Variants in DCC observed in about 807,000 individuals in gnomAD.
DCC encodes netrin receptor DCC.
Under a neutral mutation model 172.5 loss-of-function variants are expected in DCC, and 58 were observed. The ratio of observed to expected loss-of-function variants is 0.34; its 90% CI spans 0.27 to 0.42. The LOEUF (loss-of-function observed/expected upper bound fraction) is 0.42, where lower values mean the gene tolerates loss of function less well. Ranked by LOEUF, DCC falls within the 10% of genes least tolerant of loss-of-function variation. The pLI, the probability that DCC is intolerant of heterozygous loss-of-function variation, is 1.00. For missense variants in DCC, 1,740 were observed against 1,791.0 expected (o/e 0.97, Z 0.51); for synonymous variants, 709 against 644.5 (o/e 1.10, Z -1.52).
At position 52,791,478 on chromosome 18, in the gene DCC, T is replaced by C. The variant is rs533260383; in HGVS notation, c.412+39104T>C. 2.4e-4 allele frequency among the ~76,000 whole-genome samples: 34 copies of C among 139,270 alleles called. No individual in the cohort carries two copies. The East Asian group carries it at 6.7e-3, about 27-fold the overall frequency. The allele number at this position is 139,270 out of a possible 152,430, so 91.4% of individuals were successfully genotyped here. ...CTGCTGTTTTTTGTGTTTTGTTTTT[T>C]TTTTGTTTTTTTCCTAAATGGTTCC... On this transcript the variant is annotated intron_variant, in intron 2 of 28. Transcript: ENST00000442544.
At chr18:52,861,329 T>G (rs1234780991) in intron 2 of DCC, among the ~76,000 whole-genome samples, 1 of 152,192 alleles carries the variant, frequency 6.6e-6, no homozygotes, top group African/African-American at 2.4e-5. Flanking sequence ...CTTCAATTCC[T>G]CAAAGCAGTC....
intron 5 of DCC, among the ~76,000 whole-genome samples, chr18:52,982,474 C>T (rs2041227670): frequency 6.6e-6 from 1 of 152,148 alleles, no homozygotes; most frequent in African/African-American, 2.4e-5. Context: ...GCCCTTCTTG[C>T]CTGCTCCTTA....
intron 8 of DCC, among the ~76,000 whole-genome samples, chr18:53,172,879 T>G (rs1214164961): frequency 6.6e-6 from 1 of 152,156 alleles, no homozygotes; most frequent in African/African-American, 2.4e-5. Flanking sequence ...ATTTCATTCT[T>G]AAGTGTGATA....
At chr18:52,793,966 C>T (rs111413638) in intron 2 of DCC, among the ~76,000 whole-genome samples, 11 of 151,852 alleles carry the variant, frequency 7.2e-5, no homozygotes, top group Non-Finnish European at 1.0e-4. Context: ...ATTAATTTCT[C>T]GGTTTTCTAT....
Position 52,788,027 on chromosome 18 carries a change from G to A in DCC, c.412+35653G>A, listed in dbSNP as rs543029181. On this transcript the variant is annotated intron_variant, in intron 2 of 28. Transcript: ENST00000442544. ...GCTAAAGAGGAGGTTAGTGTCTTAA[G>A]ACAGTCTTGCTGTGCTTTTATTTCA... 2.4e-4 allele frequency among the ~76,000 whole-genome samples: 37 copies of A among 152,230 alleles called. 1 individual carries two copies. The highest frequency in any genetic ancestry group is 3.4e-3 in the Middle Eastern group (1 of 294).
chr18:53,013,831 G>C (rs566362119), intron 5 of DCC, among the ~76,000 whole-genome samples: 3 of 152,022 alleles, frequency 2.0e-5, no homozygotes, highest in East Asian at 3.9e-4. Context: ...TAAAGAAGCA[G>C]ATTTCAAATT....
intron 6 of DCC, 143 bp from the exon 7 acceptor site, chr18:53,065,903 G>A (rs1368573502): frequency 1.7e-5 from 16 of 926,110 alleles, no homozygotes; most frequent in South Asian, 2.7e-5. Flanking sequence ...CATAGGACAC[G>A]TCTGCGAGGC....
chr18:53,331,774 C>T (rs1316796578), intron 14 of DCC, among the ~76,000 whole-genome samples: 1 of 152,160 alleles, frequency 6.6e-6, no homozygotes, highest in Admixed American at 6.6e-5. Context: ...CAAAAAAGGG[C>T]TGAATCCTAT....
At chr18:53,211,035 C>A (rs779840038) in intron 11 of DCC, among the ~76,000 whole-genome samples, 21 of 152,028 alleles carry the variant, frequency 1.4e-4, no homozygotes, top group Admixed American at 3.9e-4. Context: ...CTGTCTCTTG[C>A]ACTAGTTGGT....
chr18:52,377,436 T>C (rs1310223642), intron 1 of DCC, among the ~76,000 whole-genome samples: 1 of 152,186 alleles, frequency 6.6e-6, no homozygotes, highest in Non-Finnish European at 1.5e-5. Flanking sequence ...TCTCCAAGAA[T>C]GGCCATGTGC....
At chr18:53,329,334 G>T (rs890598379) in intron 14 of DCC, among the ~76,000 whole-genome samples, 13 of 151,888 alleles carry the variant, frequency 8.6e-5, no homozygotes, top group Admixed American at 7.9e-4. Flanking sequence ...CAAAAGGAAA[G>T]AAATCTTATT....
At chr18:53,144,510 T>A (rs1647792395) in intron 7 of DCC, among the ~76,000 whole-genome samples, 1 of 152,016 alleles carries the variant, frequency 6.6e-6, no homozygotes, top group Non-Finnish European at 1.5e-5. Context: ...TATAAAACCA[T>A]CAGATGTCAT....
At chr18:53,325,452 TACTTG>T (rs996660066) in intron 14 of DCC, among the ~76,000 whole-genome samples, 29 of 152,340 alleles carry the variant, frequency 1.9e-4, no homozygotes, top group African/African-American at 6.5e-4. Flanking sequence ...ACAGACGCTC[TACTTG>T]ACTTATGTGC....
intron 1 of DCC, among the ~76,000 whole-genome samples, chr18:52,542,549 A>T (rs2032489750): frequency 6.6e-6 from 1 of 152,068 alleles, no homozygotes; most frequent in Non-Finnish European, 1.5e-5. Context: ...CAAGTTGAAG[A>T]GCAGGGCCGG....
intron 2 of DCC, among the ~76,000 whole-genome samples, chr18:52,845,528 A>C (rs1296719255): frequency 2.0e-5 from 3 of 152,152 alleles, no homozygotes; most frequent in Non-Finnish European, 4.4e-5. Context: ...GAAAACCTCT[A>C]AACAATTAGA....
intron 2 of DCC, among the ~76,000 whole-genome samples, chr18:52,872,119 G>A (rs1276881047): frequency 6.6e-6 from 1 of 152,124 alleles, no homozygotes; most frequent in East Asian, 1.9e-4. Context: ...TCATTTACAG[G>A]AACATGGGAG....
chr18:52,487,898 C>G (rs2030310071), intron 1 of DCC, among the ~76,000 whole-genome samples: 1 of 150,728 alleles, frequency 6.6e-6, no homozygotes, highest in Non-Finnish European at 1.5e-5. Flanking sequence ...AACCTAGACT[C>G]TCTGATTAAC....
At chr18:53,192,079 GGGTGGTTCAGTCA>G (rs2055374007) in intron 9 of DCC, among the ~76,000 whole-genome samples, 1 of 152,128 alleles carries the variant, frequency 6.6e-6, no homozygotes, top group South Asian at 2.1e-4. Context: ...TTAATCCTCA[GGGTGGTTCAGTCA>G]GCCGACCAGA....
intron 2 of DCC, among the ~76,000 whole-genome samples, chr18:52,823,962 A>G (rs940907670): frequency 9.2e-5 from 14 of 152,224 alleles, no homozygotes; most frequent in African/African-American, 3.4e-4. Flanking sequence ...CTGGGCAGTG[A>G]GTGGAAAACT....
Sources: gnomAD v4.1 joint callset for allele counts (sites outside exome capture counted in the v4.1 genomes callset) on GRCh38, gnomAD v4.1.1 for gene constraint, MANE v1.5 for transcripts, NCBI Gene and HGNC (gene_info 2026-07-23, HGNC 2026-07-21) for gene names.